Variants in ADCY1 observed in about 807,000 individuals in gnomAD.
The protein encoded by ADCY1 is adenylate cyclase type 1.
ADCY1 carries 28 observed loss-of-function variants against 105.4 expected under a neutral mutation model. The ratio of observed to expected loss-of-function variants is 0.27; its 90% confidence interval spans 0.20 to 0.36. ADCY1 has a LOEUF of 0.36. Among genes scored for constraint, ADCY1 ranks in the 10% least tolerant of loss-of-function variants. The pLI, the probability that ADCY1 is intolerant of heterozygous loss-of-function variation, is 1.00. For synonymous variants in ADCY1, 655 were observed against 623.8 expected (o/e 1.05, Z -0.75); for missense variants, 977 against 1,434.2 (o/e 0.68, Z 5.15).
chr7:45,575,330 G>A lies in ADCY1; in HGVS notation c.639+148G>A. ...GGGGTGTGTTCAAGGTCACTCCTAC[G>A]AGTTGGGGACGCAGTCGGGGCTGGC... On this transcript the variant is annotated intron_variant, in intron 1 of 19. Transcript: ENST00000297323. The surrounding 1 kb of genome is among the most constrained non-coding windows in gnomAD (Gnocchi z 4.7). 2.8e-6 allele frequency: 3 copies of A among 1,062,126 alleles called. No homozygotes were observed. Among genetic ancestry groups the A allele is most frequent in the Non-Finnish European group, 2.6e-6 (2 of 761,658 alleles). The allele number at this position is 1,062,126 out of a possible 1,614,324, so 65.8% of individuals were successfully genotyped here.
chr7:45,603,484 CTG>C (rs894986294), intron 2 of ADCY1, among the ~76,000 whole-genome samples: 7 of 152,102 alleles, frequency 4.6e-5, no homozygotes, highest in Non-Finnish European at 1.5e-5. Flanking sequence ...TTAAATTAAA[CTG>C]TTTTTATTTT....
intron 4 of ADCY1, among the ~76,000 whole-genome samples, chr7:45,643,382 A>C (rs1794576414): frequency 6.6e-6 from 1 of 152,076 alleles, no homozygotes; most frequent in Non-Finnish European, 1.5e-5. Context: ...GAAAATTCTA[A>C]TGACAGTAAT....
chr7:45,605,116 A>G (rs141484269), intron 2 of ADCY1, among the ~76,000 whole-genome samples: 2,863 of 152,188 alleles, frequency 0.019, 77 homozygotes, highest in South Asian at 0.13. Flanking sequence ...ATCAGTGTCC[A>G]TGTGTTTATT....
At chr7:45,592,260 G>A (rs576208950) in intron 1 of ADCY1, among the ~76,000 whole-genome samples, 21 of 152,164 alleles carry the variant, frequency 1.4e-4, no homozygotes, top group Admixed American at 2.6e-4. Context: ...ATATCAAGCT[G>A]TGGGCAGGGC....
chr7:45,682,905 A>G (rs1784589241), intron 11 of ADCY1, among the ~76,000 whole-genome samples: 1 of 152,174 alleles, frequency 6.6e-6, no homozygotes, highest in African/African-American at 2.4e-5. Flanking sequence ...GCCTCACCGC[A>G]CAGAGGGGAG....
At chr7:45,605,333 A>T (rs886733095) in intron 2 of ADCY1, among the ~76,000 whole-genome samples, 53 of 152,068 alleles carry the variant, frequency 3.5e-4, no homozygotes, top group African/African-American at 1.3e-3. Flanking sequence ...CCTTTTCTGA[A>T]CTTACTGCAC....
chr7:45,663,693 C>T (rs538831436), intron 8 of ADCY1, among the ~76,000 whole-genome samples: 1 of 152,128 alleles, frequency 6.6e-6, no homozygotes, highest in Admixed American at 6.5e-5. Flanking sequence ...GTGGCACATG[C>T]CTGTAGTCCC....
intron 1 of ADCY1, among the ~76,000 whole-genome samples, chr7:45,576,138 G>T (rs1208664502): frequency 6.6e-6 from 1 of 152,246 alleles, no homozygotes; most frequent in Non-Finnish European, 1.5e-5. Context: ...GACTCAAATG[G>T]AGTGGGGGAG....
At chr7:45,606,261 G>A (rs113553361) in intron 2 of ADCY1, among the ~76,000 whole-genome samples, 1 of 150,970 alleles carries the variant, frequency 6.6e-6, no homozygotes, top group Non-Finnish European at 1.5e-5. Context: ...TTGATTGGGG[G>A]CCCCTTCACA....
chr7:45,648,797 C>G lies in ADCY1; in HGVS notation c.1148C>G (p.Thr383Arg). 6 of 1,613,824 alleles carry G rather than the reference C, an allele frequency of 3.7e-6. No individual in the cohort carries two copies. Among genetic ancestry groups the G allele is most frequent in the South Asian group, 2.2e-5 (2 of 91,058 alleles). ...EMGLDMIDTI[T>R]SVAEATEVDL... ...GGACTCGACATGATTGATACCATCA[C>G]GTAAGTACCCCGTGGGGCTGAGAGG... The change falls in exon 5 of 20, where the codon ACA becomes AGA. Residue 383 changes from threonine to arginine, a missense_variant and splice_region_variant. Thr to Arg is a moderately conservative substitution (Grantham distance 71). Around this residue, in one of 7 missense-constraint regions of ADCY1, gnomAD observed 196 missense variants for 347.8 expected, o/e 0.56. Transcript: ENST00000297323.
chr7:45,666,831 G>A (rs562080143), intron 8 of ADCY1, among the ~76,000 whole-genome samples: 1 of 152,218 alleles, frequency 6.6e-6, no homozygotes, highest in South Asian at 2.1e-4. Flanking sequence ...TAAGTGGTGT[G>A]AGATGGTATC....
chr7:45,594,067 GTGTATGTGTCCA>G (rs1289669876), intron 2 of ADCY1, among the ~76,000 whole-genome samples: 2 of 152,310 alleles, frequency 1.3e-5, no homozygotes, highest in African/African-American at 4.8e-5. Flanking sequence ...CTGTGCTCGT[GTGTATGTGTCCA>G]TGTATGTGCC....
intron 3 of ADCY1, among the ~76,000 whole-genome samples, chr7:45,610,707 ATGG>A (rs1793515106): frequency 8.4e-5 from 5 of 59,540 alleles, no homozygotes; most frequent in South Asian, 6.0e-4. Flanking sequence ...AGTGGAGGTG[ATGG>A]TGGAGGTGAG....
At chr7:45,670,685 C>G (rs1237145806) in intron 8 of ADCY1, among the ~76,000 whole-genome samples, 1 of 152,158 alleles carries the variant, frequency 6.6e-6, no homozygotes, top group Non-Finnish European at 1.5e-5. Flanking sequence ...CTGTGCCCAT[C>G]AGCCCTGACC....
intron 1 of ADCY1, among the ~76,000 whole-genome samples, chr7:45,578,894 G>A (rs1302476331): frequency 6.6e-6 from 1 of 152,210 alleles, no homozygotes; most frequent in Non-Finnish European, 1.5e-5. Context: ...TTTTTCTGAA[G>A]TAGTAGGGAT....
intron 6 of ADCY1, among the ~76,000 whole-genome samples, chr7:45,659,678 C>G (rs1026156429): frequency 1.3e-5 from 2 of 152,172 alleles, no homozygotes; most frequent in African/African-American, 4.8e-5. Flanking sequence ...GGAGGGACTC[C>G]CATGTCTCCT....
chr7:45,670,870 G>T (rs1427979791), intron 8 of ADCY1, among the ~76,000 whole-genome samples: 1 of 152,224 alleles, frequency 6.6e-6, no homozygotes, highest in Non-Finnish European at 1.5e-5. Flanking sequence ...TGACCTCAAG[G>T]TGGACCTGTG....
chr7:45,595,926 C>A (rs1793059441), intron 2 of ADCY1, among the ~76,000 whole-genome samples: 1 of 152,252 alleles, frequency 6.6e-6, no homozygotes, highest in Non-Finnish European at 1.5e-5. Context: ...AATCAGCACC[C>A]AGGTTCCTCC....
chr7:45,648,542 G>A (rs1794726477), intron 4 of ADCY1, 128 bp from the exon 5 acceptor site: 4 of 1,284,332 alleles, frequency 3.1e-6, no homozygotes, highest in Middle Eastern at 5.0e-4. Context: ...CGGGAAGGTG[G>A]TGGCCCAGGT....
Sources: gnomAD v4.1 joint callset for allele counts (sites outside exome capture counted in the v4.1 genomes callset) on GRCh38, gnomAD v4.1.1 for gene constraint, gnomAD v4.1.1 regional missense constraint, Gnocchi (gnomAD v3.1) non-coding constraint, MANE v1.5 for transcripts, NCBI Gene and HGNC (gene_info 2026-07-23, HGNC 2026-07-21) for gene names.